The following SP6 variants were observed in gnomAD, a reference collection of about 807,000 sequenced individuals.
SP6 encodes transcription factor Sp6.
SP6 carries 10 observed loss-of-function variants against 23.4 expected under a neutral mutation model. The observed-to-expected ratio is 0.43, with a 90% confidence interval of 0.26 to 0.72. SP6 has a LOEUF of 0.72. Ranked by LOEUF, SP6 falls within the 30% of genes least tolerant of loss-of-function variation. The pLI, the probability that SP6 is intolerant of heterozygous loss-of-function variation, is 0.23. For synonymous variants in SP6, 238 were observed against 238.7 expected (o/e 1.00, Z 0.03); for missense variants, 482 against 523.8 (o/e 0.92, Z 0.78).
the SP6 span, among the ~76,000 whole-genome samples, chr17:47,865,519 C>A: frequency 6.6e-6 from 1 of 152,142 alleles, no homozygotes; most frequent in African/African-American, 2.4e-5. Context: ...CCACCTCCCC[C>A]CTCAGGCACC....
At chr17:47,849,072 C>T (rs1567961474) in intron 1 of SP6, among the ~76,000 whole-genome samples, 1 of 152,188 alleles carries the variant, frequency 6.6e-6, no homozygotes, top group African/African-American at 2.4e-5. Context: ...CGCTGCTCCC[C>T]GCCTGGCCTG....
chr17:47,866,369 G>A, the SP6 span, among the ~76,000 whole-genome samples: 1 of 152,194 alleles, frequency 6.6e-6, no homozygotes, highest in African/African-American at 2.4e-5. Flanking sequence ...GTATGGAGTA[G>A]AAAATCCAAG....
rs149348166 is a variant in SP6, at chr17:47,848,936, A to G, written c.-57-450T>C. On this transcript the variant is annotated intron_variant, in intron 1 of 1. Transcript: ENST00000536300. This position sits in a 1 kb window ranked among gnomAD's most constrained non-coding sequence, Gnocchi z 5.3. The stretch of plus-strand genomic sequence containing the variant: ...ATACAGATGGGAGAGGGGATGGTCT[A>G]TTTCTGAAACCCAAAGCTTCAGGTG... Among the ~76,000 whole-genome samples, 113 of 152,280 alleles carry G rather than the reference A, an allele frequency of 7.4e-4. No individual in the cohort carries two copies. In the Middle Eastern group the frequency reaches 0.01, roughly 14 times the overall value.
the SP6 span, chr17:47,863,401 G>A: frequency 2.0e-5 from 3 of 152,228 alleles, no homozygotes; most frequent in East Asian, 5.8e-4. Flanking sequence ...AATGGTGCCT[G>A]GGACTCTATA....
chr17:47,859,167 C>T (rs954717215), upstream of SP6, among the ~76,000 whole-genome samples: 1 of 152,188 alleles, frequency 6.6e-6, no homozygotes, highest in African/African-American at 2.4e-5. Flanking sequence ...CAGGACCCTC[C>T]CACTTCACCT....
In SP6 at chr17:47,848,570, G is replaced by T; in HGVS notation, c.-57-84C>A. ...ACCCAGGTCCTCCTCTCTGGCCCCA[G>T]GTGTAAAAGAAGGATGCACCTCTGA... On this transcript the variant is annotated intron_variant, in intron 1 of 1. Transcript: ENST00000536300. This position sits in a 1 kb window ranked among gnomAD's most constrained non-coding sequence, Gnocchi z 5.3. 2 of 759,716 alleles carry T rather than the reference G, an allele frequency of 2.6e-6. No individual in the cohort carries two copies. Among genetic ancestry groups the T allele is most frequent in the Non-Finnish European group, 4.2e-6 (2 of 479,986 alleles). 47.1% of individuals were successfully genotyped at this position (759,716 alleles called of 1,614,324 possible). A position where few individuals can be genotyped will look rare whatever the true frequency, so the allele number is the denominator to read the frequency against.
Position 47,851,131 on chromosome 17 carries a change from G to A in SP6, c.-270C>T, listed in dbSNP as rs1007503110. The A allele has an allele frequency of 6.6e-6, 1 of 152,328 alleles. No homozygotes were observed. The highest frequency in any genetic ancestry group is 2.1e-4 in the South Asian group (1 of 4,838). The allele number at this position is 152,328 out of a possible 1,614,324, so 9.4% of individuals were successfully genotyped here. Reference sequence around the variant, plus strand: ...GGGCAGGAGCCAGCGAGCGAACAAGGCCAGCTCCGCCCGTGACTCACCCGC... The same window carrying A: ...GGGCAGGAGCCAGCGAGCGAACAAGACCAGCTCCGCCCGTGACTCACCCGC... On this transcript the variant is annotated 5_prime_UTR_variant, in exon 1 of 2. Transcript: ENST00000536300.
intron 1 of SP6, among the ~76,000 whole-genome samples, chr17:47,849,863 T>C (rs944395854): frequency 2.6e-5 from 4 of 152,132 alleles, no homozygotes; most frequent in South Asian, 2.1e-4. Flanking sequence ...GCCTGGGTCT[T>C]CTCTACTGGT....
chr17:47,858,429 C>A (rs2034013231), upstream of SP6, among the ~76,000 whole-genome samples: 1 of 152,146 alleles, frequency 6.6e-6, no homozygotes, highest in Non-Finnish European at 1.5e-5. Context: ...AAGGCAGACA[C>A]TACTGGATTC....
At chr17:47,861,014 GT>G in the SP6 span, among the ~76,000 whole-genome samples, 2 of 152,234 alleles carry the variant, frequency 1.3e-5, no homozygotes, top group South Asian at 4.1e-4. Flanking sequence ...AGGAGGCTGG[GT>G]ATCAGGACCT....
At chr17:47,853,174 G>T (rs2074186), upstream of SP6, among the ~76,000 whole-genome samples, 68,620 of 152,038 alleles carry the variant, frequency 0.45, 17,106 homozygotes, top group Non-Finnish European at 0.57. Flanking sequence ...TGACATCGGG[G>T]GATTGAGATT....
chr17:47,859,937 A>C (rs565970879), upstream of SP6, among the ~76,000 whole-genome samples: 20 of 152,156 alleles, frequency 1.3e-4, no homozygotes, highest in Non-Finnish European at 2.8e-4. Flanking sequence ...AGAGGCAGAA[A>C]AAGCAGAATC....
At chr17:47,862,808 G>A in the SP6 span, among the ~76,000 whole-genome samples, 1 of 152,238 alleles carries the variant, frequency 6.6e-6, no homozygotes, top group Non-Finnish European at 1.5e-5. Flanking sequence ...TGTAGTGCCT[G>A]GAGCATTGGA....
At chr17:47,872,934 G>A in the SP6 span, among the ~76,000 whole-genome samples, 2 of 152,182 alleles carry the variant, frequency 1.3e-5, no homozygotes, top group African/African-American at 4.8e-5. Context: ...GGCTGGAGAG[G>A]GCGGAAGGGG....
At chr17:47,854,184 G>A (rs1443200131), upstream of SP6, among the ~76,000 whole-genome samples, 6 of 152,110 alleles carry the variant, frequency 3.9e-5, no homozygotes, top group African/African-American at 1.4e-4. Context: ...TTCTTCTCAA[G>A]CTTCATCTAT....
chr17:47,856,136 C>T (rs772856833), upstream of SP6, among the ~76,000 whole-genome samples: 2 of 152,206 alleles, frequency 1.3e-5, no homozygotes, highest in Non-Finnish European at 2.9e-5. Flanking sequence ...ATGCCCCCAA[C>T]AAACACACAC....
chr17:47,875,716 C>G, the SP6 span, among the ~76,000 whole-genome samples: 1 of 152,204 alleles, frequency 6.6e-6, no homozygotes, highest in African/African-American at 2.4e-5. Flanking sequence ...GCATTCCTTG[C>G]TTGTGCATTC....
chr17:47,854,742 C>T (rs1177333450), upstream of SP6, among the ~76,000 whole-genome samples: 1 of 152,166 alleles, frequency 6.6e-6, no homozygotes, highest in African/African-American at 2.4e-5. Context: ...ATTGTCTCGT[C>T]CAAGCCCTCG....
At position 47,847,563 on chromosome 17, in the gene SP6, G is replaced by C. The variant is rs760628939; in HGVS notation, c.867C>G (p.Leu289=). ...SGDRPFVCNW[L]FCGKRFTRSD... Reference sequence around the variant, plus strand: ...AGCGCGTGAAGCGCTTGCCGCAGAAGAGCCAGTTGCACACGAAGGGACGGT... The same window carrying C: ...AGCGCGTGAAGCGCTTGCCGCAGAACAGCCAGTTGCACACGAAGGGACGGT... The change falls in exon 2 of 2, where the codon CTC becomes CTG. Residue 289 remains leucine, a synonymous_variant. Coordinates refer to ENST00000536300, the MANE Select transcript of SP6 (RefSeq NM_001258248.2). The C allele has an allele frequency of 6.2e-7, 1 of 1,613,748 alleles. No individual in the cohort carries two copies. The highest frequency in any genetic ancestry group is 8.5e-7 in the Non-Finnish European group (1 of 1,179,970).
Sources: allele counts gnomAD v4.1 joint callset (sites outside exome capture counted in the v4.1 genomes callset), GRCh38; gene constraint gnomAD v4.1.1; non-coding constraint Gnocchi (gnomAD v3.1); transcripts MANE v1.5; gene names NCBI Gene and HGNC (gene_info 2026-07-23, HGNC 2026-07-21).